Variants in PGGHG observed in about 807,000 individuals in gnomAD.
The protein encoded by PGGHG is protein-glucosylgalactosylhydroxylysine glucosidase.
In PGGHG, 67 loss-of-function variants were observed where a neutral mutation model predicts 74.5. The ratio of observed to expected loss-of-function variants is 0.90; its 90% CI spans 0.74 to 1.10. The LOEUF (loss-of-function observed/expected upper bound fraction) is 1.10, where lower values mean the gene tolerates loss of function less well. Ranked by LOEUF, PGGHG falls within the 50% of genes least tolerant of loss-of-function variation. The pLI is 0.00. For synonymous variants in PGGHG, 496 were observed against 419.9 expected (o/e 1.18, Z -2.21); for missense variants, 1,034 against 981.5 (o/e 1.05, Z -0.72).
At chr11:292,425 C>A in intron 5 of PGGHG, 121 bp from the exon 6 acceptor site, 2 of 1,301,942 alleles carry the variant, frequency 1.5e-6, no homozygotes, top group Non-Finnish European at 2.1e-6. Flanking sequence ...CTAGCAGTAG[C>A]ACCCGCCAGG....
At chr11:293,979 C>A in intron 11 of PGGHG, 54 bp downstream of exon 11, 1 of 1,595,656 alleles carries the variant, frequency 6.3e-7, no homozygotes, top group Non-Finnish European at 8.5e-7. Flanking sequence ...GGAGTGGAGC[C>A]CAGCCTCAGA....
rs371891623 is a variant in PGGHG, at chr11:292,513, C to T, written c.1027-33C>T. ...TTGGGGGGCCACCGCTCCCCTCCAACAAGGTCAAGTCTGCCCCCTCCCAAC... is the reference window on the plus strand; with the variant it reads ...TTGGGGGGCCACCGCTCCCCTCCAATAAGGTCAAGTCTGCCCCCTCCCAAC... On this transcript the variant is annotated intron_variant, in intron 5 of 13. Coordinates refer to ENST00000409548, the MANE Select transcript of PGGHG (RefSeq NM_025092.5). The T allele has an allele frequency of 2.5e-6, 4 of 1,604,922 alleles. No homozygotes were observed. The African/African-American group carries it at 4.0e-5, about 16-fold the overall frequency.
chr11:291,170 G>T, intron 4 of PGGHG, 57 bp downstream of exon 4: 2 of 1,497,368 alleles, frequency 1.3e-6, no homozygotes, highest in Non-Finnish European at 9.0e-7. Flanking sequence ...GAGGTCCACG[G>T]TCTCTGCCCT....
At chr11:292,818 G>A in intron 6 of PGGHG, 68 bp from the exon 7 acceptor site, 1 of 1,610,560 alleles carries the variant, frequency 6.2e-7, no homozygotes, top group East Asian at 2.2e-5. Context: ...TTGCTTCTGG[G>A]CACAGACAGG....
intron 4 of PGGHG, chr11:291,523 G>A (rs1237843363): frequency 1.2e-5 from 3 of 250,860 alleles, no homozygotes; most frequent in South Asian, 6.8e-5. Flanking sequence ...GGAGGCCGAC[G>A]GGGGTGACGG....
In PGGHG at chr11:294,255, C is replaced by T. The variant is rs1409424708; in HGVS notation, c.1809-12C>T. 6.3e-7 allele frequency: 1 copy of T among 1,597,448 alleles called. No individual in the cohort carries two copies. Among genetic ancestry groups the T allele is most frequent in the Non-Finnish European group, 8.5e-7 (1 of 1,170,222 alleles). ...CCCCCACCTGCCACCTCACAAGCCT[C>T]TCCTCCCACAGGGTCACCCGAGCGG... is the stretch of plus-strand genomic sequence containing the variant. On this transcript the variant is annotated splice_polypyrimidine_tract_variant and intron_variant, in intron 12 of 13. Transcript: ENST00000409548.
chr11:291,104 C>G lies in PGGHG; in HGVS notation c.897C>G (p.Phe299Leu). Residue 299 changes from phenylalanine (F) to leucine (L), a missense_variant, in exon 4 of 14, where the codon TTC becomes TTG. Phe to Leu is a conservative substitution (Grantham distance 22). Transcript: ENST00000409548. ...AGGAATGCTACTGGGGCCACGTCTTCTGGGACCAGGTGAGCACTGTACACC... is the reference window on the plus strand; with the variant it reads ...AGGAATGCTACTGGGGCCACGTCTTGTGGGACCAGGTGAGCACTGTACACC... ...SREECYWGHV[F>L]WDQDLWMFPS... The G allele has an allele frequency of 6.3e-7, 1 of 1,582,324 alleles. No individual in the cohort carries two copies. Among genetic ancestry groups the G allele is most frequent in the Non-Finnish European group, 8.6e-7 (1 of 1,161,012 alleles).
At chr11:291,906 G>A (rs971431002) in intron 4 of PGGHG, 70 bp from the exon 5 acceptor site, 15 of 1,523,354 alleles carry the variant, frequency 9.8e-6, no homozygotes, top group East Asian at 4.6e-5. Flanking sequence ...CTGCCGGGGC[G>A]GAATGTGGCC....
At position 291,048 on chromosome 11, in the gene PGGHG, A is replaced by G; in HGVS notation, c.841A>G (p.Ser281Gly). 6.2e-7 allele frequency: 1 copy of G among 1,611,296 alleles called. No individual in the cohort carries two copies. Among genetic ancestry groups the G allele is most frequent in the Non-Finnish European group, 8.5e-7 (1 of 1,178,988 alleles). Residue 281 changes from serine (S) to glycine (G), a missense_variant, in exon 4 of 14, where the codon AGT becomes GGT. By Grantham distance (56) the Ser-to-Gly change is moderately conservative (BLOSUM62 0). Transcript: ENST00000409548. ...CCCAGGATACATCTGCCATGGCCTC[A>G]GTCCTGGGGGCCTCTCCAATGGGAG... ...KAPGYICHGL[S>G]PGGLSNGSRE...
Position 289,825 on chromosome 11 carries a change from C to G in PGGHG, c.9C>G (p.Asp3Glu). The G allele has an allele frequency of 6.5e-7, 1 of 1,549,854 alleles. No homozygotes were observed. The change falls in exon 2 of 14, where the codon GAC (aspartate) becomes GAG (glutamate). Residue 3 changes from aspartate (D) to glutamate (E), a missense_variant. Physicochemically the swap from Asp to Glu is conservative, Grantham distance 45 (BLOSUM62 2). Transcript: ENST00000409548. The surrounding 1 kb of genome is among the most constrained non-coding windows in gnomAD (Gnocchi z 5.6). ...TCAGGCCCAGCAGCTCCATGGAGGA[C>G]GCCGGCGAGGACCCCACCACGTTTG... ME[D>E]AGEDPTTFAA...
In PGGHG at chr11:289,636, T is replaced by C; in HGVS notation, c.-13-168T>C. On this transcript the variant is annotated intron_variant, in intron 1 of 13. Coordinates refer to ENST00000409548, the MANE Select transcript of PGGHG (RefSeq NM_025092.5). The surrounding 1 kb of genome is among the most constrained non-coding windows in gnomAD (Gnocchi z 5.6). ...GTCTGAGCCCCTCTGAGAGTCGAGC[T>C]CCTTTCCTGCGAGGCCCCGTCTAGG... 1 of 825,668 alleles carries C rather than the reference T, an allele frequency of 1.2e-6. No individual in the cohort carries two copies. The highest frequency in any genetic ancestry group is 1.8e-6 in the Non-Finnish European group (1 of 546,208). The allele number at this position is 825,668 out of a possible 1,614,324, so 51.1% of individuals were successfully genotyped here.
chr11:291,862 G>T lies in PGGHG; in HGVS notation c.907-114G>T, dbSNP rs543275697. Reference sequence around the variant, plus strand: ...GGCCTGCAGATCTGAGTGGGCAGCCGAGGAGGAACCCAGAAGACGCCAGCG... The same window carrying T: ...GGCCTGCAGATCTGAGTGGGCAGCCTAGGAGGAACCCAGAAGACGCCAGCG... On this transcript the variant is annotated intron_variant, in intron 4 of 13. Transcript: ENST00000409548. 1.6e-3 allele frequency: 2,288 copies of T among 1,426,466 alleles called. 6 individuals carry two copies. The highest frequency in any genetic ancestry group is 1.9e-3 in the Non-Finnish European group (2,059 of 1,082,414). The allele number at this position is 1,426,466 out of a possible 1,614,324, so 88.4% of individuals were successfully genotyped here.
At position 294,281 on chromosome 11, in the gene PGGHG, G is replaced by A; in HGVS notation, c.1823G>A (p.Gly608Asp). Residue 608 changes from glycine to aspartate, a missense_variant, in exon 13 of 14, where the codon GGT becomes GAT. Transcript: ENST00000409548. ...TCCTCCCACAGGGTCACCCGAGCGGGTGTGACCTTTGACCCTGTGTGTCTG... is the reference window on the plus strand; with the variant it reads ...TCCTCCCACAGGGTCACCCGAGCGGATGTGACCTTTGACCCTGTGTGTCTG... Reference protein sequence around the residue: ...GCTGFRVTRAGVTFDPVCLSG... With the variant: ...GCTGFRVTRADVTFDPVCLSG... The A allele has an allele frequency of 1.9e-6, 3 of 1,609,160 alleles. No homozygotes were observed. The highest frequency in any genetic ancestry group is 2.2e-5 in the East Asian group (1 of 44,870).
rs1590280605 is a variant in PGGHG, at chr11:289,661, G to T, written c.-13-143G>T. On this transcript the variant is annotated intron_variant, in intron 1 of 13. Coordinates refer to ENST00000409548, the MANE Select transcript of PGGHG (RefSeq NM_025092.5). This position sits in a 1 kb window ranked among gnomAD's most constrained non-coding sequence, Gnocchi z 5.6. ...TCCTTTCCTGCGAGGCCCCGTCTAG[G>T]AGGGGCCTCAGGAAAATCGGGGCTG... The T allele has an allele frequency of 9.4e-7, 1 of 1,059,470 alleles. No individual in the cohort carries two copies. Among genetic ancestry groups the T allele is most frequent in the Admixed American group, 2.9e-5 (1 of 34,272 alleles). 65.6% of individuals were successfully genotyped at this position (1,059,470 alleles called of 1,614,324 possible). A position where few individuals can be genotyped will look rare whatever the true frequency, so the allele number is the denominator to read the frequency against.
intron 4 of PGGHG, 155 bp from the exon 5 acceptor site, chr11:291,821 G>T: frequency 9.2e-7 from 1 of 1,087,084 alleles, no homozygotes; most frequent in East Asian, 2.7e-5. Flanking sequence ...ACAGAACTGG[G>T]TGGGCAGGTG....
rs1444677667 is a variant in PGGHG, at chr11:294,589, G to A, written c.2054G>A (p.Arg685Gln). ...GTCTCCTTTCCCCGCTCGGCTGGCC[G>A]GATACAAATGTCACCCCCGAAGCTG... ...HKVSFPRSAG[R>Q]IQMSPPKLPG... Residue 685 changes from arginine to glutamine, a missense_variant, in exon 14 of 14, where the codon CGG becomes CAG. By Grantham distance (43) the Arg-to-Gln change is conservative (BLOSUM62 1). Coordinates refer to ENST00000409548, the MANE Select transcript of PGGHG (RefSeq NM_025092.5). 13 of 1,570,806 alleles carry A rather than the reference G, an allele frequency of 8.3e-6. No individual in the cohort carries two copies. The highest frequency in any genetic ancestry group is 7.7e-5 in the East Asian group (3 of 38,866).
In PGGHG at chr11:289,800, T is replaced by C. The variant is rs1845660522; in HGVS notation, c.-13-4T>C. The C allele has an allele frequency of 1.3e-6, 2 of 1,545,088 alleles. No homozygotes were observed. Among genetic ancestry groups the C allele is most frequent in the Admixed American group, 2.0e-5 (1 of 50,762 alleles). On this transcript the variant is annotated splice_region_variant and splice_polypyrimidine_tract_variant and intron_variant, in intron 1 of 13. Transcript: ENST00000409548. This position sits in a 1 kb window ranked among gnomAD's most constrained non-coding sequence, Gnocchi z 5.6. ...GGCCCCTGACACCCCATCAGGCCGC[T>C]CAGGCCCAGCAGCTCCATGGAGGAC...
At chr11:291,255 A>G in intron 4 of PGGHG, 142 bp downstream of exon 4, 1 of 1,047,086 alleles carries the variant, frequency 9.6e-7, no homozygotes, top group Non-Finnish European at 1.3e-6. Flanking sequence ...GGTGTGCAGG[A>G]GTTTGGTAGA....
At chr11:290,169 T>G in intron 2 of PGGHG, 94 bp downstream of exon 2, 2 of 1,444,626 alleles carry the variant, frequency 1.4e-6, no homozygotes, top group Non-Finnish European at 1.8e-6. Context: ...ACCTCCTGAG[T>G]TTACACAGGA....
Sources: allele counts gnomAD v4.1 joint callset, GRCh38; gene constraint gnomAD v4.1.1; non-coding constraint Gnocchi (gnomAD v3.1); transcripts MANE v1.5; gene names NCBI Gene and HGNC (gene_info 2026-07-23, HGNC 2026-07-21).